THSD7A: variants seen among roughly 807,000 people sequenced by gnomAD.
THSD7A encodes thrombospondin type 1 domain containing 7A.
Under a neutral mutation model 231.3 loss-of-function variants are expected in THSD7A, and 96 were observed. The ratio of observed to expected loss-of-function variants is 0.41; its 90% CI spans 0.35 to 0.49. THSD7A has a LOEUF of 0.49. THSD7A is among the 20% of genes least tolerant of loss of function. THSD7A has a pLI of 0.05. For synonymous variants in THSD7A, 940 were observed against 743.3 expected (o/e 1.26, Z -4.30); for missense variants, 2,290 against 2,070.2 (o/e 1.11, Z -2.06).
chr7:11,685,180 A>G (rs1177645109), intron 1 of THSD7A, among the ~76,000 whole-genome samples: 1 of 152,066 alleles, frequency 6.6e-6, no homozygotes, highest in East Asian at 1.9e-4. Context: ...TATGCAGCAG[A>G]ATGAAACTTG....
chr7:11,636,513 C>A lies in THSD7A; in HGVS notation c.639G>T (p.Gly213=). The part of the protein sequence containing the change: ...WSECSKTCGS[G]LQHRTRHVVA... The stretch of plus-strand genomic sequence containing the variant: ...CCACATGACGCGTCCGGTGCTGGAG[C>A]CCGCTGCCGCAGGTCTTGGAGCATT... The change falls in exon 2 of 28, where the codon GGG becomes GGT. Residue 213 remains glycine (G), a synonymous_variant. Transcript: ENST00000423059. This position sits in a 1 kb window ranked among gnomAD's most constrained non-coding sequence, Gnocchi z 10.0. 3 of 1,613,870 alleles carry A rather than the reference C, an allele frequency of 1.9e-6. No individual in the cohort carries two copies. Among genetic ancestry groups the A allele is most frequent in the Non-Finnish European group, 2.5e-6 (3 of 1,179,870 alleles).
chr7:11,743,813 T>A (rs569753929), intron 1 of THSD7A, among the ~76,000 whole-genome samples: 1 of 152,034 alleles, frequency 6.6e-6, no homozygotes, highest in South Asian at 2.1e-4. Flanking sequence ...CTGTGTGATA[T>A]TCCAGCTGTT....
rs1381793837 is a variant in THSD7A at position 11,769,144 on chromosome 7, TATA to T, written c.190+62610_190+62612del. 4.4e-3 allele frequency among the ~76,000 whole-genome samples: 295 copies of T among 67,332 alleles called. 3 individuals carry two copies. Among genetic ancestry groups the T allele is most frequent in the African/African-American group, 0.014 (279 of 19,932 alleles). 44.2% of individuals were successfully genotyped at this position (67,332 alleles called of 152,430 possible). A position where few individuals can be genotyped will look rare whatever the true frequency, so the allele number is the denominator to read the frequency against. On this transcript the variant is annotated intron_variant, in intron 1 of 27. Coordinates refer to ENST00000423059, the MANE Select transcript of THSD7A (RefSeq NM_015204.3). ...GGCAATATATATATATATATATATA[TATA>T]TATATATTTTTTTTTTTTTTTGGTA...
intron 6 of THSD7A, among the ~76,000 whole-genome samples, chr7:11,540,072 ATC>A (rs1789078678): frequency 6.6e-6 from 1 of 152,132 alleles, no homozygotes; most frequent in African/African-American, 2.4e-5. Flanking sequence ...TTTCTTGCCA[ATC>A]TCTGAGTGTT....
intron 1 of THSD7A, among the ~76,000 whole-genome samples, chr7:11,741,546 T>A (rs1782115594): frequency 6.6e-6 from 1 of 151,946 alleles, no homozygotes; most frequent in South Asian, 2.1e-4. Context: ...AATGTTGCAT[T>A]ATTTTTATAA....
intron 4 of THSD7A, among the ~76,000 whole-genome samples, chr7:11,558,662 A>C (rs1054663863): frequency 6.6e-6 from 1 of 152,206 alleles, no homozygotes; most frequent in Non-Finnish European, 1.5e-5. Flanking sequence ...GAAAGTGATC[A>C]CAAAACTAGG....
intron 23 of THSD7A, among the ~76,000 whole-genome samples, chr7:11,400,915 T>C (rs1450670067): frequency 6.6e-6 from 1 of 152,172 alleles, no homozygotes; most frequent in African/African-American, 2.4e-5. Flanking sequence ...TCTTTTGTTT[T>C]CGAGTCTTCG....
chr7:11,703,480 C>G (rs1166407124), intron 1 of THSD7A, among the ~76,000 whole-genome samples: 1 of 151,168 alleles, frequency 6.6e-6, no homozygotes, highest in Non-Finnish European at 1.5e-5. Flanking sequence ...TGTATTTCCT[C>G]TCTCATTAAT....
chr7:11,546,202 G>GCGCGCACACA lies in THSD7A; in HGVS notation c.1454-3086_1454-3085insTGTGTGCGCG, dbSNP rs761841418. ...TCTGTTGTTGCTGGTGTGGGCGCGCGCTCACACACACACACACACACACAC... is the reference window on the plus strand; with the variant it reads ...TCTGTTGTTGCTGGTGTGGGCGCGCGCGCGCACACACTCACACACACACACACACACACAC... On this transcript the variant is annotated intron_variant, in intron 4 of 27. Coordinates refer to ENST00000423059, the MANE Select transcript of THSD7A (RefSeq NM_015204.3). Among the ~76,000 whole-genome samples, 721 of 129,438 alleles carry GCGCGCACACA rather than the reference G, an allele frequency of 5.6e-3. 2 individuals carry two copies. The highest frequency in any genetic ancestry group is 0.016 in the Middle Eastern group (4 of 254). The allele number at this position is 129,438 out of a possible 152,430, so 84.9% of individuals were successfully genotyped here.
Position 11,659,044 on chromosome 7 carries a change from C to A in THSD7A, c.191-22083G>T, listed in dbSNP as rs193125100. Among the ~76,000 whole-genome samples, 637 of 151,794 alleles carry A rather than the reference C, an allele frequency of 4.2e-3. 3 individuals carry two copies. The highest frequency in any genetic ancestry group is 6.3e-3 in the Non-Finnish European group (430 of 67,750). ...TACATGACACATTTTAGGTTTTGAA[C>A]TCACTTAAACACACACACAGACACT... On this transcript the variant is annotated intron_variant, in intron 1 of 27. Coordinates refer to ENST00000423059, the MANE Select transcript of THSD7A (RefSeq NM_015204.3).
chr7:11,693,790 C>T (rs577778247), intron 1 of THSD7A, among the ~76,000 whole-genome samples: 2 of 151,556 alleles, frequency 1.3e-5, no homozygotes, highest in African/African-American at 4.8e-5. Flanking sequence ...TGTACCATGA[C>T]ATATGGTAGC....
At chr7:11,740,837 A>C (rs1782088183) in intron 1 of THSD7A, among the ~76,000 whole-genome samples, 1 of 152,046 alleles carries the variant, frequency 6.6e-6, no homozygotes, top group Non-Finnish European at 1.5e-5. Context: ...CACTTCTGGA[A>C]ATTTACTTGT....
intron 19 of THSD7A, among the ~76,000 whole-genome samples, chr7:11,410,256 A>AAAGTT (rs3086970): frequency 0.41 from 61,577 of 151,626 alleles, 13,061 homozygotes; most frequent in African/African-American, 0.53. Flanking sequence ...GAGATGTAAG[A>AAAGTT]AAGTTAAGTT....
At chr7:11,675,661 G>C (rs1441541232) in intron 1 of THSD7A, among the ~76,000 whole-genome samples, 1 of 152,168 alleles carries the variant, frequency 6.6e-6, no homozygotes, top group Non-Finnish European at 1.5e-5. Context: ...AGTTCACACT[G>C]GGCAGAGCCC....
At chr7:11,800,508 TG>T (rs1210050983) in intron 1 of THSD7A, among the ~76,000 whole-genome samples, 1 of 152,072 alleles carries the variant, frequency 6.6e-6, no homozygotes, top group African/African-American at 2.4e-5. Context: ...AGGATTGTGC[TG>T]TTGCACTCTA....
In THSD7A at chr7:11,444,566, C is replaced by T. The variant is rs1159140070; in HGVS notation, c.3064+1495G>A. ...AAGTTGAACAATAAGAACACATGGGCACAGGGAGGGGAACATCACACACCG... is the reference window on the plus strand; with the variant it reads ...AAGTTGAACAATAAGAACACATGGGTACAGGGAGGGGAACATCACACACCG... On this transcript the variant is annotated intron_variant, in intron 13 of 27. Coordinates refer to ENST00000423059, the MANE Select transcript of THSD7A (RefSeq NM_015204.3). This position sits in a 1 kb window ranked among gnomAD's most constrained non-coding sequence, Gnocchi z 4.2. 6.6e-6 allele frequency among the ~76,000 whole-genome samples: 1 copy of T among 151,772 alleles called. No individual in the cohort carries two copies. The highest frequency in any genetic ancestry group is 1.5e-5 in the Non-Finnish European group (1 of 67,952).
chr7:11,674,916 A>T (rs1017476593), intron 1 of THSD7A, among the ~76,000 whole-genome samples: 10 of 152,124 alleles, frequency 6.6e-5, no homozygotes, highest in Non-Finnish European at 8.8e-5. Context: ...TGAAGCCATA[A>T]AACCCATCCA....
chr7:11,689,314 T>C lies in THSD7A; in HGVS notation c.191-52353A>G, dbSNP rs1033033935. ...CACAGTGTGCAATAAAATGCTTTTT[T>C]CTTAACTGTCATTTCCTCTAATTTG... On this transcript the variant is annotated intron_variant, in intron 1 of 27. Transcript: ENST00000423059. 3.3e-5 allele frequency among the ~76,000 whole-genome samples: 5 copies of C among 151,886 alleles called. No individual in the cohort carries two copies. In the South Asian group the frequency reaches 8.3e-4, roughly 25 times the overall value.
intron 13 of THSD7A, among the ~76,000 whole-genome samples, chr7:11,443,382 T>C (rs923880522): frequency 5.9e-5 from 9 of 152,194 alleles, no homozygotes; most frequent in African/African-American, 2.2e-4. Context: ...GGTATCTAAT[T>C]TATAACACTT....
Sources: gnomAD v4.1 joint callset for allele counts (sites outside exome capture counted in the v4.1 genomes callset) on GRCh38, gnomAD v4.1.1 for gene constraint, Gnocchi (gnomAD v3.1) non-coding constraint, MANE v1.5 for transcripts, NCBI Gene and HGNC (gene_info 2026-07-23, HGNC 2026-07-21) for gene names.